The following CWC27 variants were observed in gnomAD, a reference collection of about 807,000 sequenced individuals.
The protein encoded by CWC27 is spliceosome-associated protein CWC27 homolog.
Under a neutral mutation model 63.6 loss-of-function variants are expected in CWC27, and 47 were observed. The ratio of observed to expected loss-of-function variants is 0.74; its 90% CI spans 0.58 to 0.94. The LOEUF (loss-of-function observed/expected upper bound fraction) is 0.94. Ranked by LOEUF, CWC27 falls within the 40% of genes least tolerant of loss-of-function variation. CWC27 has a pLI of 0.00. For missense variants in CWC27, 495 were observed against 554.3 expected (o/e 0.89, Z 1.07); for synonymous variants, 175 against 179.8 (o/e 0.97, Z 0.22).
chr5:64,895,046 C>A (rs116543258), intron 11 of CWC27, among the ~76,000 whole-genome samples: 12,132 of 152,176 alleles, frequency 0.08, 647 homozygotes, highest in Middle Eastern at 0.16. Context: ...GCAAGAGCAT[C>A]TCTTGGGAAC....
intron 11 of CWC27, among the ~76,000 whole-genome samples, chr5:64,930,308 G>A (rs1276475378): frequency 6.6e-6 from 1 of 151,880 alleles, no homozygotes; most frequent in Admixed American, 6.6e-5. Context: ...GAATTATAGT[G>A]GTGACGGTTT....
intron 11 of CWC27, among the ~76,000 whole-genome samples, chr5:64,944,143 C>T (rs1748542505): frequency 1.3e-5 from 2 of 151,880 alleles, no homozygotes; most frequent in South Asian, 2.1e-4. Context: ...GATTTTCATG[C>T]TCTTTCATCA....
chr5:64,848,186 C>G (rs1746038795), intron 10 of CWC27, among the ~76,000 whole-genome samples: 1 of 151,996 alleles, frequency 6.6e-6, no homozygotes, highest in African/African-American at 2.4e-5. Flanking sequence ...GACAGTAGAA[C>G]TGATACCATG....
chr5:64,804,135 G>T, intron 9 of CWC27, 94 bp from the exon 10 acceptor site: 3 of 1,078,594 alleles, frequency 2.8e-6, no homozygotes, highest in Non-Finnish European at 3.9e-6. Flanking sequence ...ACCTAGTTTA[G>T]AATGCAATAA....
At chr5:65,015,708 C>A (rs547932579) in intron 13 of CWC27, among the ~76,000 whole-genome samples, 1 of 152,212 alleles carries the variant, frequency 6.6e-6, no homozygotes, top group East Asian at 1.9e-4. Flanking sequence ...CTCTCAATGA[C>A]TGGAGAAAAA....
chr5:64,896,839 T>C (rs571929664), intron 11 of CWC27, among the ~76,000 whole-genome samples: 2 of 152,298 alleles, frequency 1.3e-5, no homozygotes, highest in African/African-American at 2.4e-5. Flanking sequence ...AGTCTAATAC[T>C]TCGCCTAAAA....
intron 2 of CWC27, among the ~76,000 whole-genome samples, chr5:64,776,204 C>A (rs1363222265): frequency 6.6e-6 from 1 of 151,526 alleles, no homozygotes; most frequent in Non-Finnish European, 1.5e-5. Context: ...GTAGTTCAGT[C>A]AGAGAGGCCT....
chr5:64,959,019 T>C (rs947859244), intron 11 of CWC27, among the ~76,000 whole-genome samples: 5 of 152,124 alleles, frequency 3.3e-5, no homozygotes, highest in African/African-American at 9.7e-5. Flanking sequence ...ATTTGTAGCA[T>C]AAAAATATGC....
chr5:64,905,896 T>C (rs1389877291), intron 11 of CWC27, among the ~76,000 whole-genome samples: 1 of 152,214 alleles, frequency 6.6e-6, no homozygotes, highest in African/African-American at 2.4e-5. Flanking sequence ...TTCTCATTGT[T>C]CAATTCCCAC....
chr5:64,978,001 C>T (rs1301817192), intron 13 of CWC27, among the ~76,000 whole-genome samples: 1 of 152,142 alleles, frequency 6.6e-6, no homozygotes, highest in East Asian at 1.9e-4. Context: ...CCTCTGGAGC[C>T]TCTGAACCAT....
intron 10 of CWC27, among the ~76,000 whole-genome samples, chr5:64,812,348 A>T (rs1432096577): frequency 1.3e-5 from 2 of 152,122 alleles, no homozygotes; most frequent in South Asian, 2.1e-4. Flanking sequence ...TTATAAGCAA[A>T]GAGTGAAATT....
chr5:65,003,972 G>A (rs1275182885), intron 13 of CWC27, among the ~76,000 whole-genome samples: 2 of 151,902 alleles, frequency 1.3e-5, no homozygotes, highest in African/African-American at 4.8e-5. Flanking sequence ...AGCCTCCCAA[G>A]TAGCTGGGGT....
At chr5:64,989,058 C>T (rs762599589) in intron 13 of CWC27, among the ~76,000 whole-genome samples, 5 of 152,144 alleles carry the variant, frequency 3.3e-5, no homozygotes, top group Admixed American at 2.6e-4. Context: ...CCAGCCAGAA[C>T]GTTGGATCTT....
rs10534375 is a variant in CWC27, at chr5:64,840,362, TA to T, written c.938+36009del. ...TTTGTGTGTTTTTATCCTTTTTCAT[TA>T]AAAAAAAAAAAAAAAAAAAAAAAAA... On this transcript the variant is annotated intron_variant, in intron 10 of 13. Transcript: ENST00000381070. Among the ~76,000 whole-genome samples the T allele has an allele frequency of 2.5e-3, 56 of 22,122 alleles. 1 individual carries two copies. The highest frequency in any genetic ancestry group is 3.5e-3 in the Non-Finnish European group (42 of 11,978). 14.5% of individuals were successfully genotyped at this position (22,122 alleles called of 152,430 possible). A position where few individuals can be genotyped will look rare whatever the true frequency, so the allele number is the denominator to read the frequency against.
At chr5:64,812,717 A>G (rs1744912464) in intron 10 of CWC27, among the ~76,000 whole-genome samples, 1 of 152,160 alleles carries the variant, frequency 6.6e-6, no homozygotes, top group Admixed American at 6.6e-5. Flanking sequence ...GTTCCCAGCC[A>G]CTGTGTAAGA....
intron 1 of CWC27, among the ~76,000 whole-genome samples, chr5:64,770,946 G>A (rs1003966385): frequency 6.6e-6 from 1 of 152,180 alleles, no homozygotes; most frequent in Non-Finnish European, 1.5e-5. Context: ...TCAATTGCCA[G>A]GCTCTATGCT....
At chr5:64,800,436 G>A in intron 8 of CWC27, 109 bp downstream of exon 8, 1 of 630,674 alleles carries the variant, frequency 1.6e-6, no homozygotes, top group Non-Finnish European at 2.6e-6. Context: ...AAATTTTTAA[G>A]CCAGCCAAAA....
At chr5:64,817,837 C>T (rs1047116676) in intron 10 of CWC27, among the ~76,000 whole-genome samples, 2 of 152,090 alleles carry the variant, frequency 1.3e-5, no homozygotes, top group African/African-American at 4.8e-5. Flanking sequence ...CATTTAAATG[C>T]ACCTATGTGA....
intron 13 of CWC27, among the ~76,000 whole-genome samples, chr5:65,011,501 G>A (rs370771380): frequency 1.3e-5 from 2 of 152,260 alleles, no homozygotes; most frequent in South Asian, 4.2e-4. Context: ...GAGTGCAGGC[G>A]TTTGTTCAGG....
Sources: gnomAD v4.1 joint callset for allele counts (sites outside exome capture counted in the v4.1 genomes callset) on GRCh38, gnomAD v4.1.1 for gene constraint, MANE v1.5 for transcripts, NCBI Gene and HGNC (gene_info 2026-07-23, HGNC 2026-07-21) for gene names.